The following PTPRF variants were observed in gnomAD, a reference collection of about 807,000 sequenced individuals.
PTPRF encodes protein tyrosine phosphatase receptor type F, also known as receptor-type tyrosine-protein phosphatase F.
Under a neutral mutation model 201.8 loss-of-function variants are expected in PTPRF, and 59 were observed. That is an observed-to-expected ratio of 0.29 (90% CI 0.24 to 0.36). PTPRF has a LOEUF of 0.36. Among genes scored for constraint, PTPRF ranks in the 10% least tolerant of loss-of-function variants. The pLI, the probability that PTPRF is intolerant of heterozygous loss-of-function variation, is 1.00. For missense variants in PTPRF, 2,132 were observed against 2,690.5 expected (o/e 0.79, Z 4.59); for synonymous variants, 1,088 against 1,089.7 (o/e 1.00, Z 0.03).
chr1:43,533,781 G>A (rs1011861815), intron 1 of PTPRF, among the ~76,000 whole-genome samples: 6 of 152,274 alleles, frequency 3.9e-5, no homozygotes, highest in African/African-American at 2.4e-5. Context: ...CGAGAAGCTC[G>A]TGGTCCTTGG....
chr1:43,603,659 C>T lies in PTPRF; in HGVS notation c.2507C>T (p.Ala836Val), dbSNP rs775486548. 1.6e-5 allele frequency: 26 copies of T among 1,613,418 alleles called. No homozygotes were observed. In the African/African-American group the frequency reaches 1.7e-4, roughly 11 times the overall value. Reference sequence around the variant, plus strand: ...ATCAGCACCACGGCCATGAACACTGCGCTGCTCCAGTGGCACCCACCCAAG... The same window carrying T: ...ATCAGCACCACGGCCATGAACACTGTGCTGCTCCAGTGGCACCCACCCAAG... ...MMISTTAMNTALLQWHPPKEL... is the reference protein window; with the variant it reads ...MMISTTAMNTVLLQWHPPKEL... Residue 836 changes from alanine (A) to valine (V), a missense_variant, in exon 16 of 34, where the codon GCG becomes GTG. Ala to Val is a moderately conservative substitution (Grantham distance 64). This residue lies in a region of PTPRF where 818 missense variants were observed against 915.3 expected (regional missense o/e 0.89). Coordinates refer to ENST00000359947, the MANE Select transcript of PTPRF (RefSeq NM_002840.5). The surrounding 1 kb of genome is among the most constrained non-coding windows in gnomAD (Gnocchi z 5.8).
chr1:43,620,081 T>TA lies in PTPRF; in HGVS notation c.5112-13dup. 1 of 1,613,820 alleles carries TA rather than the reference T, an allele frequency of 6.2e-7. No individual in the cohort carries two copies. The highest frequency in any genetic ancestry group is 8.5e-7 in the Non-Finnish European group (1 of 1,179,816). On this transcript the variant is annotated splice_polypyrimidine_tract_variant and intron_variant, in intron 29 of 33. Transcript: ENST00000359947. ...GCAGCACCTCCAGCATGTCCAGTCT[T>TA]ATGTCCACCCCAGACAGCAGAAGGC...
At position 43,569,904 on chromosome 1, in the gene PTPRF, T is replaced by G; in HGVS notation, c.568+126T>G. The G allele has an allele frequency of 5.3e-6, 6 of 1,122,262 alleles. No homozygotes were observed. In the South Asian group the frequency reaches 9.3e-5, roughly 17 times the overall value. 69.5% of individuals were successfully genotyped at this position (1,122,262 alleles called of 1,614,324 possible). On this transcript the variant is annotated intron_variant, in intron 6 of 33. Coordinates refer to ENST00000359947, the MANE Select transcript of PTPRF (RefSeq NM_002840.5). ...GCTGAGCGGAGGGTACCTGGTGGGG[T>G]GGGCTGGGTCTTACTGCAGGTGTGC... is the stretch of plus-strand genomic sequence containing the variant.
Position 43,553,701 on chromosome 1 carries a change from G to A in PTPRF, c.237+64G>A. The A allele has an allele frequency of 1.2e-6, 2 of 1,609,720 alleles. No homozygotes were observed. Among genetic ancestry groups the A allele is most frequent in the Admixed American group, 1.7e-5 (1 of 59,862 alleles). ...TCTGCCCACACTCTCTCCTTTCAGT[G>A]TCCCTCCTCATGGACCTTTTGGAGG... is the stretch of plus-strand genomic sequence containing the variant. On this transcript the variant is annotated intron_variant, in intron 4 of 33. Coordinates refer to ENST00000359947, the MANE Select transcript of PTPRF (RefSeq NM_002840.5). The surrounding 1 kb of genome is among the most constrained non-coding windows in gnomAD (Gnocchi z 4.1).
chr1:43,610,283 A>G (rs1207425481), intron 22 of PTPRF, among the ~76,000 whole-genome samples: 1 of 152,260 alleles, frequency 6.6e-6, no homozygotes, highest in Non-Finnish European at 1.5e-5. Context: ...ACACACAGAC[A>G]AATGAAGGAA....
Position 43,578,793 on chromosome 1 carries a change from G to A in PTPRF, c.569-17G>A, listed in dbSNP as rs569057463. 16 of 1,601,894 alleles carry A rather than the reference G, an allele frequency of 1.0e-5. No individual in the cohort carries two copies. The highest frequency in any genetic ancestry group is 5.3e-5 in the African/African-American group (4 of 74,854). On this transcript the variant is annotated splice_polypyrimidine_tract_variant and intron_variant, in intron 6 of 33. Coordinates refer to ENST00000359947, the MANE Select transcript of PTPRF (RefSeq NM_002840.5). Reference sequence around the variant, plus strand: ...CGACATGGGCCGTGCCTGACCTCTCGCTTCGTGTACCCACAGGTGCCTTGC... The same window carrying A: ...CGACATGGGCCGTGCCTGACCTCTCACTTCGTGTACCCACAGGTGCCTTGC...
At position 43,597,733 on chromosome 1, in the gene PTPRF, A is replaced by AT; in HGVS notation, c.1814-12dup. On this transcript the variant is annotated splice_polypyrimidine_tract_variant and intron_variant, in intron 11 of 33. Transcript: ENST00000359947. ...CCCTCCATCTGCTTGCTTCCCCCCC[A>AT]TTTGTCTTCCCCAGCCCCCTCCGCC... The AT allele has an allele frequency of 2.9e-5, 14 of 479,808 alleles. No individual in the cohort carries two copies. The highest frequency in any genetic ancestry group is 2.5e-4 in the Admixed American group (5 of 19,956). 29.7% of individuals were successfully genotyped at this position (479,808 alleles called of 1,614,324 possible). A position where few individuals can be genotyped will look rare whatever the true frequency, so the allele number is the denominator to read the frequency against.
intron 22 of PTPRF, chr1:43,613,244 G>A (rs554502020): frequency 2.2e-5 from 7 of 322,718 alleles, no homozygotes; most frequent in South Asian, 2.0e-4. Context: ...GGGGCAGGAG[G>A]GCTGTCTGCA....
chr1:43,524,613 G>A (rs528264563), upstream of PTPRF, among the ~76,000 whole-genome samples: 1 of 152,130 alleles, frequency 6.6e-6, no homozygotes, highest in African/African-American at 2.4e-5. Context: ...AGGGAAGGAG[G>A]GGACAATGGA....
Position 43,569,739 on chromosome 1 carries a change from C to T in PTPRF, c.529C>T (p.Pro177Ser). The T allele has an allele frequency of 6.2e-7, 1 of 1,613,388 alleles. No homozygotes were observed. Among genetic ancestry groups the T allele is most frequent in the Non-Finnish European group, 8.5e-7 (1 of 1,179,544 alleles). ...SWFKDFLPVD[P>S]ATSNGRIKQL... ...GTTCAAGGACTTCCTTCCTGTAGAC[C>T]CTGCCACGAGCAACGGCCGCATCAA... The change falls in exon 6 of 34, where the codon CCT becomes TCT. Residue 177 changes from proline to serine, a missense_variant. By Grantham distance (74) the Pro-to-Ser change is moderately conservative. Around this residue, in one of 6 missense-constraint regions of PTPRF, gnomAD observed 297 missense variants for 454.0 expected, o/e 0.65. Transcript: ENST00000359947.
In PTPRF at chr1:43,592,452, C is replaced by T. The variant is rs781549186; in HGVS notation, c.1669-5C>T. The T allele has an allele frequency of 1.2e-6, 2 of 1,604,344 alleles. No individual in the cohort carries two copies. Among genetic ancestry groups the T allele is most frequent in the East Asian group, 4.5e-5 (2 of 44,800 alleles). On this transcript the variant is annotated splice_region_variant and splice_polypyrimidine_tract_variant and intron_variant, in intron 10 of 33. Transcript: ENST00000359947. ...CTGTCAGTGAGTGCTCCCTGCTCTT[C>T]CCAGCACAAGGTGACCTTCGACCCA...
chr1:43,583,743 G>A (rs1211651386), intron 7 of PTPRF, among the ~76,000 whole-genome samples: 2 of 152,042 alleles, frequency 1.3e-5, no homozygotes, highest in South Asian at 2.1e-4. Flanking sequence ...CGTCATCTTG[G>A]CACCCTGAGG....
intron 1 of PTPRF, among the ~76,000 whole-genome samples, chr1:43,535,992 A>ACTCCTGGCTCAAGTGATC (rs1643979590): frequency 6.7e-6 from 1 of 149,946 alleles, no homozygotes; most frequent in Non-Finnish European, 1.5e-5. Context: ...CTGCTCTTGA[A>ACTCCTGGCTCAAGTGATC]CTCCTGGCTC....
At chr1:43,569,549 G>T in intron 5 of PTPRF, 41 bp from the exon 6 acceptor site, 1 of 1,543,644 alleles carries the variant, frequency 6.5e-7, no homozygotes, top group Non-Finnish European at 8.8e-7. Context: ...TAGGGGGCAG[G>T]CAGAGCCAGC....
chr1:43,595,268 T>G (rs1651963346), intron 11 of PTPRF, among the ~76,000 whole-genome samples: 1 of 152,170 alleles, frequency 6.6e-6, no homozygotes, highest in Admixed American at 6.5e-5. Context: ...TGGAGTGCAG[T>G]GGCATGATCT....
intron 19 of PTPRF, 65 bp downstream of exon 19, chr1:43,605,687 C>T: frequency 6.9e-7 from 1 of 1,452,666 alleles, no homozygotes; most frequent in Non-Finnish European, 9.7e-7. Flanking sequence ...GCCTTCCTGC[C>T]CTGAGCACTG....
rs139029120 is a variant in PTPRF, at chr1:43,579,263, C to T, written c.679+343C>T. On this transcript the variant is annotated intron_variant, in intron 7 of 33. Coordinates refer to ENST00000359947, the MANE Select transcript of PTPRF (RefSeq NM_002840.5). Reference sequence around the variant, plus strand: ...GTATGTGCATGTGTGTGTGCACACACGGGCACACTTATCTGTGTGTAAATG... The same window carrying T: ...GTATGTGCATGTGTGTGTGCACACATGGGCACACTTATCTGTGTGTAAATG... 4,922 of 523,578 alleles carry T rather than the reference C, an allele frequency of 9.4e-3. 36 individuals carry two copies. Among genetic ancestry groups the T allele is most frequent in the Non-Finnish European group, 0.015 (3,781 of 260,636 alleles). The allele number at this position is 523,578 out of a possible 1,614,324, so 32.4% of individuals were successfully genotyped here.
intron 5 of PTPRF, among the ~76,000 whole-genome samples, chr1:43,561,302 T>A (rs1645791272): frequency 6.6e-6 from 1 of 152,122 alleles, no homozygotes; most frequent in Non-Finnish European, 1.5e-5. Flanking sequence ...CAAGGAGTCA[T>A]CTCTCCCTGC....
intron 7 of PTPRF, among the ~76,000 whole-genome samples, chr1:43,583,545 C>T (rs762152871): frequency 5.3e-5 from 8 of 152,228 alleles, no homozygotes; most frequent in Non-Finnish European, 1.0e-4. Context: ...CAGGCTCAGC[C>T]GAAACTACTG....
Sources: gnomAD v4.1 joint callset for allele counts (sites outside exome capture counted in the v4.1 genomes callset) on GRCh38, gnomAD v4.1.1 for gene constraint, gnomAD v4.1.1 regional missense constraint, Gnocchi (gnomAD v3.1) non-coding constraint, MANE v1.5 for transcripts, NCBI Gene and HGNC (gene_info 2026-07-23, HGNC 2026-07-21) for gene names.